PAFAH1B2: variants seen among roughly 807,000 people sequenced by gnomAD.
PAFAH1B2 encodes platelet-activating factor acetylhydrolase IB subunit alpha2.
In PAFAH1B2, 8 loss-of-function variants were observed where a neutral mutation model predicts 28.0. That is an observed-to-expected ratio of 0.29 (90% CI 0.17 to 0.52). The LOEUF is 0.52. Among genes scored for constraint, PAFAH1B2 ranks in the 20% least tolerant of loss-of-function variants. The pLI is 0.97. For missense variants in PAFAH1B2, 190 were observed against 282.6 expected (o/e 0.67, Z 2.35); for synonymous variants, 104 against 103.2 (o/e 1.01, Z -0.05).
rs962855529 is a variant in PAFAH1B2, at chr11:117,144,389, G to T, written c.-37G>T. 2.4e-6 allele frequency: 1 copy of T among 415,372 alleles called. No individual in the cohort carries two copies. The highest frequency in any genetic ancestry group is 4.9e-6 in the Non-Finnish European group (1 of 203,484). 25.7% of individuals were successfully genotyped at this position (415,372 alleles called of 1,614,324 possible). A position where few individuals can be genotyped will look rare whatever the true frequency, so the allele number is the denominator to read the frequency against. ...CGCGCCACCCGCCGACGCCTCAGCC[G>T]CTTGGGGCCCGCACGGACCCTCTAC... On this transcript the variant is annotated 5_prime_UTR_variant, in exon 1 of 6. Coordinates refer to ENST00000527958, the MANE Select transcript of PAFAH1B2 (RefSeq NM_002572.4).
At chr11:117,164,694 T>C (rs1956461529) in intron 5 of PAFAH1B2, among the ~76,000 whole-genome samples, 1 of 152,048 alleles carries the variant, frequency 6.6e-6, no homozygotes, top group African/African-American at 2.4e-5. Context: ...ATTAAAGCAT[T>C]AACTCTTCAT....
At position 117,168,492 on chromosome 11, in the gene PAFAH1B2, G is replaced by A. The variant is rs117842423; in HGVS notation, c.*793G>A. 0.077 allele frequency: 30,948 copies of A among 402,970 alleles called. 580 individuals are homozygous for A. Among genetic ancestry groups the A allele is most frequent in the South Asian group, 0.21 (1,832 of 8,816 alleles). 25.0% of individuals were successfully genotyped at this position (402,970 alleles called of 1,614,324 possible). ...TTTTTGGTTCTTGTTGACATTACAA[G>A]CTTTTAACACATTTTTGACCTAGGA... On this transcript the variant is annotated 3_prime_UTR_variant, in exon 6 of 6. Coordinates refer to ENST00000527958, the MANE Select transcript of PAFAH1B2 (RefSeq NM_002572.4).
Position 117,169,647 on chromosome 11 carries a change from A to G in PAFAH1B2, c.*1948A>G. 9.5e-7 allele frequency: 1 copy of G among 1,053,236 alleles called. No homozygotes were observed. The highest frequency in any genetic ancestry group is 5.3e-5 in the East Asian group (1 of 18,818). The allele number at this position is 1,053,236 out of a possible 1,614,324, so 65.2% of individuals were successfully genotyped here. ...TGAATGTATCATGTCTTCATTAACA[A>G]CAGAAAATCCACATGGTGTTTACTA... is the stretch of plus-strand genomic sequence containing the variant. On this transcript the variant is annotated 3_prime_UTR_variant, in exon 6 of 6. Transcript: ENST00000527958.
chr11:117,158,093 G>A lies in PAFAH1B2; in HGVS notation c.82-1841G>A, dbSNP rs1181225929. ...GTGGAGGTTGCAGTGAGCTAAGATCGCGCCACTACACTCCAGCCTGAGTGA... is the reference window on the plus strand; with the variant it reads ...GTGGAGGTTGCAGTGAGCTAAGATCACGCCACTACACTCCAGCCTGAGTGA... On this transcript the variant is annotated intron_variant, in intron 2 of 5. Transcript: ENST00000527958. 3.3e-5 allele frequency among the ~76,000 whole-genome samples: 5 copies of A among 152,250 alleles called. 1 individual carries two copies. The South Asian group carries it at 6.2e-4, about 19-fold the overall frequency.
rs1192360090 is a variant in PAFAH1B2, at chr11:117,163,848, C to G, written c.367C>G (p.Gln123Glu). ...AGCAGGTGGGATCGAGGCCATTGTA[C>G]AACTTATCAACACAAGGCAGCCACA... is the stretch of plus-strand genomic sequence containing the variant. ...EVAGGIEAIV[Q>E]LINTRQPQAK... Residue 123 changes from glutamine (Q) to glutamate (E), a missense_variant, in exon 5 of 6, where the codon CAA becomes GAA. By Grantham distance (29) the Gln-to-Glu change is conservative. Coordinates refer to ENST00000527958, the MANE Select transcript of PAFAH1B2 (RefSeq NM_002572.4). 1 of 1,613,814 alleles carries G rather than the reference C, an allele frequency of 6.2e-7. No individual in the cohort carries two copies. The highest frequency in any genetic ancestry group is 2.2e-5 in the East Asian group (1 of 44,882).
At chr11:117,171,641 A>C, downstream of PAFAH1B2, 1 of 1,429,458 alleles carries the variant, frequency 7.0e-7, no homozygotes, top group Non-Finnish European at 9.5e-7. Flanking sequence ...GCCGCCTCCA[A>C]ATACTCTATC....
In PAFAH1B2 at chr11:117,144,431, A is replaced by T. The variant is rs1425720564; in HGVS notation, c.-8+13A>T. 3.2e-6 allele frequency: 1 copy of T among 313,700 alleles called. No homozygotes were observed. The highest frequency in any genetic ancestry group is 6.8e-6 in the Non-Finnish European group (1 of 146,206). 19.4% of individuals were successfully genotyped at this position (313,700 alleles called of 1,614,324 possible). ...ACCCTCTACTTCAGTGAGTGCATCC[A>T]GGGTCGCAGGGAACCGGTGGCTTAG... is the stretch of plus-strand genomic sequence containing the variant. On this transcript the variant is annotated intron_variant, in intron 1 of 5. Transcript: ENST00000527958.
intron 2 of PAFAH1B2, among the ~76,000 whole-genome samples, chr11:117,154,669 C>CT (rs1266777742): frequency 1.8e-4 from 28 of 152,252 alleles, no homozygotes; most frequent in African/African-American, 6.7e-4. Flanking sequence ...ATCTTGAACT[C>CT]TCGGCCTCAA....
rs1288995002 is a variant in PAFAH1B2, at chr11:117,144,331, G to T, written c.-95G>T. The stretch of plus-strand genomic sequence containing the variant: ...CTGGGGCCGGAGGAGGGACGCGCCG[G>T]AGCGGGACCGACGGGACCGAGCGAG... On this transcript the variant is annotated 5_prime_UTR_variant, in exon 1 of 6. Transcript: ENST00000527958. 9.7e-6 allele frequency: 4 copies of T among 410,960 alleles called. No individual in the cohort carries two copies. The highest frequency in any genetic ancestry group is 8.5e-5 in the African/African-American group (4 of 47,146). The allele number at this position is 410,960 out of a possible 1,614,324, so 25.5% of individuals were successfully genotyped here. A position where few individuals can be genotyped will look rare whatever the true frequency, so the allele number is the denominator to read the frequency against.
downstream of PAFAH1B2, chr11:117,175,078 C>A: frequency 7.8e-7 from 1 of 1,284,350 alleles, no homozygotes; most frequent in Non-Finnish European, 9.9e-7. Context: ...TTGGTCCATT[C>A]AACACTCAGG....
At chr11:117,148,534 C>G (rs983483224) in intron 1 of PAFAH1B2, among the ~76,000 whole-genome samples, 13 of 152,156 alleles carry the variant, frequency 8.5e-5, no homozygotes, top group Non-Finnish European at 1.2e-4. Flanking sequence ...GCTCCTAGCA[C>G]AGGGTCTGGT....
downstream of PAFAH1B2, among the ~76,000 whole-genome samples, chr11:117,172,385 TATATATATATATATA>T (rs1956684119): frequency 5.7e-3 from 13 of 2,278 alleles, no homozygotes; most frequent in South Asian, 0.024. Flanking sequence ...TATATATATA[TATATATATATATATA>T]TATATTTTTT....
chr11:117,174,556 G>A (rs1001019928), downstream of PAFAH1B2, among the ~76,000 whole-genome samples: 3 of 149,992 alleles, frequency 2.0e-5, no homozygotes, highest in Non-Finnish European at 4.4e-5. Flanking sequence ...TCAGCTCACC[G>A]CAACCTCTGC....
chr11:117,147,087 G>C (rs1026371474), intron 1 of PAFAH1B2, among the ~76,000 whole-genome samples: 10 of 152,028 alleles, frequency 6.6e-5, no homozygotes. Context: ...TGACCAATAT[G>C]ATGAAACCCC....
Position 117,149,033 on chromosome 11 carries a change from ATTTTTT to A in PAFAH1B2, c.-7-3391_-7-3386del, listed in dbSNP as rs71037462. 5.1e-4 allele frequency among the ~76,000 whole-genome samples: 61 copies of A among 118,614 alleles called. No homozygotes were observed. In the South Asian group the frequency reaches 5.7e-3, roughly 11 times the overall value. The allele number at this position is 118,614 out of a possible 152,430, so 77.8% of individuals were successfully genotyped here. On this transcript the variant is annotated intron_variant, in intron 1 of 5. Transcript: ENST00000527958. ...CAGGCACGCACCACAACACCTGCCA[ATTTTTT>A]TTTTTTTTTTTTTTTTGTATTTTTA... is the stretch of plus-strand genomic sequence containing the variant.
At chr11:117,144,578 G>A (rs1359125154) in intron 1 of PAFAH1B2, among the ~76,000 whole-genome samples, 160 bp downstream of exon 1, 1 of 151,532 alleles carries the variant, frequency 6.6e-6, no homozygotes, top group East Asian at 1.9e-4. Flanking sequence ...TCGCGAGCGC[G>A]CGCCTTCTCT....
rs1167509108 is a variant in PAFAH1B2 at position 117,161,280 on chromosome 11, G to A, written c.288+19G>A. The A allele has an allele frequency of 1.5e-6, 2 of 1,353,976 alleles. No individual in the cohort carries two copies. The highest frequency in any genetic ancestry group is 1.5e-5 in the African/African-American group (1 of 66,590). 83.9% of individuals were successfully genotyped at this position (1,353,976 alleles called of 1,614,324 possible). Reference sequence around the variant, plus strand: ...GCCTAAGGTGAAATGAAAGTTACTTGTCAATGTCATTAATCTTAAGTCTGT... The same window carrying A: ...GCCTAAGGTGAAATGAAAGTTACTTATCAATGTCATTAATCTTAAGTCTGT... On this transcript the variant is annotated intron_variant, in intron 4 of 5. Coordinates refer to ENST00000527958, the MANE Select transcript of PAFAH1B2 (RefSeq NM_002572.4).
At chr11:117,173,448 G>A (rs182354719), downstream of PAFAH1B2, among the ~76,000 whole-genome samples, 18 of 152,346 alleles carry the variant, frequency 1.2e-4, no homozygotes, top group Middle Eastern at 3.4e-3. Flanking sequence ...GGCTCAGAAA[G>A]CTCAAGTGGT....
intron 1 of PAFAH1B2, among the ~76,000 whole-genome samples, chr11:117,148,971 G>C (rs920136725): frequency 1.7e-4 from 25 of 151,364 alleles, no homozygotes; most frequent in Non-Finnish European, 2.2e-4. Context: ...GGGCTCGAGC[G>C]ATTCTCCTCC....
Sources: gnomAD v4.1 joint callset for allele counts (sites outside exome capture counted in the v4.1 genomes callset) on GRCh38, gnomAD v4.1.1 for gene constraint, MANE v1.5 for transcripts, NCBI Gene and HGNC (gene_info 2026-07-23, HGNC 2026-07-21) for gene names.